PTPRD: variants seen among roughly 807,000 people sequenced by gnomAD.
PTPRD encodes protein tyrosine phosphatase receptor type D, also known as receptor-type tyrosine-protein phosphatase delta.
Under a neutral mutation model 214.5 loss-of-function variants are expected in PTPRD, and 34 were observed. That is an observed-to-expected ratio of 0.16 (90% CI 0.12 to 0.21). The LOEUF (loss-of-function observed/expected upper bound fraction) is 0.21, where lower values mean the gene tolerates loss of function less well. PTPRD is among the 10% of genes least tolerant of loss of function. The probability of loss-of-function intolerance (pLI) is 1.00; values close to 1 mark genes in which losing one functional copy is unlikely to be tolerated. For missense variants in PTPRD, 2,545 were observed against 2,398.7 expected (o/e 1.06, Z -1.27); for synonymous variants, 1,128 against 845.7 (o/e 1.33, Z -5.79).
intron 2 of PTPRD, among the ~76,000 whole-genome samples, chr9:10,609,488 T>G (rs2080369803): frequency 6.6e-6 from 1 of 152,106 alleles, no homozygotes; most frequent in Non-Finnish European, 1.5e-5. Context: ...ATAATTGTCA[T>G]GTGCACTATT....
chr9:9,583,026 T>G (rs2091171499), intron 7 of PTPRD, among the ~76,000 whole-genome samples: 1 of 152,088 alleles, frequency 6.6e-6, no homozygotes. Flanking sequence ...ACAGAAAATG[T>G]TGCCAATAAA....
chr9:10,222,928 G>A (rs192446223), intron 3 of PTPRD, among the ~76,000 whole-genome samples: 42 of 152,152 alleles, frequency 2.8e-4, no homozygotes, highest in African/African-American at 7.9e-4. Flanking sequence ...TTTGTGTTTG[G>A]TGGAGGGCAG....
chr9:8,990,599 T>C (rs1366464596), intron 11 of PTPRD, among the ~76,000 whole-genome samples: 1 of 152,008 alleles, frequency 6.6e-6, no homozygotes, highest in Non-Finnish European at 1.5e-5. Context: ...CTCAGGTGAG[T>C]CATAGAAACT....
chr9:9,175,945 T>TC (rs2099924569), intron 10 of PTPRD, among the ~76,000 whole-genome samples: 1 of 152,182 alleles, frequency 6.6e-6, no homozygotes, highest in African/African-American at 2.4e-5. Context: ...GCACAAAGTC[T>TC]TTTATATATC....
intron 3 of PTPRD, among the ~76,000 whole-genome samples, chr9:10,155,080 A>G (rs941974037): frequency 1.2e-4 from 18 of 152,106 alleles, no homozygotes; most frequent in African/African-American, 4.1e-4. Context: ...ATCCATGAGC[A>G]TAGAATGTTT....
At chr9:9,034,418 T>C (rs2154378982) in intron 10 of PTPRD, among the ~76,000 whole-genome samples, 1 of 152,324 alleles carries the variant, frequency 6.6e-6, no homozygotes, top group African/African-American at 2.4e-5. Flanking sequence ...ATGCCTAACC[T>C]GGGTTTAAAA....
chr9:8,740,323 T>C (rs1247709414), intron 11 of PTPRD, among the ~76,000 whole-genome samples: 1 of 152,208 alleles, frequency 6.6e-6, no homozygotes. Flanking sequence ...TTCTCACTAC[T>C]TCTGGCAGCA....
At chr9:8,396,381 C>A (rs2091173668) in intron 36 of PTPRD, among the ~76,000 whole-genome samples, 1 of 152,102 alleles carries the variant, frequency 6.6e-6, no homozygotes, top group Non-Finnish European at 1.5e-5. Flanking sequence ...AAAAATAATT[C>A]TTTTACAATT....
At chr9:9,480,387 T>G (rs1490007911) in intron 8 of PTPRD, among the ~76,000 whole-genome samples, 1 of 152,196 alleles carries the variant, frequency 6.6e-6, no homozygotes, top group Non-Finnish European at 1.5e-5. Context: ...AAAGCATATT[T>G]GAAATATAAG....
At chr9:8,918,575 G>C (rs1445642705) in intron 11 of PTPRD, among the ~76,000 whole-genome samples, 1 of 152,162 alleles carries the variant, frequency 6.6e-6, no homozygotes, top group African/African-American at 2.4e-5. Flanking sequence ...ATGTGCGTGT[G>C]TGTGTATGTG....
intron 5 of PTPRD, among the ~76,000 whole-genome samples, chr9:9,878,332 T>C (rs1254429125): frequency 1.3e-5 from 2 of 152,162 alleles, no homozygotes; most frequent in African/African-American, 2.4e-5. Flanking sequence ...GCTTACATTG[T>C]AGTGGAAGTG....
intron 2 of PTPRD, among the ~76,000 whole-genome samples, chr9:10,482,560 C>G (rs965352666): frequency 6.6e-6 from 1 of 151,812 alleles, no homozygotes; most frequent in Non-Finnish European, 1.5e-5. Flanking sequence ...TTTAATAAAT[C>G]TCTTTGGAGA....
At chr9:8,410,915 A>C (rs1410653504) in intron 35 of PTPRD, among the ~76,000 whole-genome samples, 1 of 152,184 alleles carries the variant, frequency 6.6e-6, no homozygotes, top group Non-Finnish European at 1.5e-5. Flanking sequence ...ATGGCAAGTG[A>C]GTAAATATCT....
At chr9:9,421,405 C>G (rs188731022) in intron 8 of PTPRD, among the ~76,000 whole-genome samples, 20 of 152,068 alleles carry the variant, frequency 1.3e-4, no homozygotes, top group Middle Eastern at 3.4e-3. Context: ...TTAGGAATCA[C>G]GAGAAAGACT....
intron 9 of PTPRD, among the ~76,000 whole-genome samples, chr9:9,211,756 A>G (rs13298827): frequency 0.028 from 4,322 of 152,152 alleles, 130 homozygotes; most frequent in African/African-American, 0.077. Context: ...TGTGCTTTGC[A>G]CATATTATGT....
chr9:10,125,975 T>C (rs2098816334), intron 3 of PTPRD, among the ~76,000 whole-genome samples: 2 of 152,146 alleles, frequency 1.3e-5, no homozygotes, highest in South Asian at 4.1e-4. Context: ...CACAATAAGA[T>C]GGTAAAATAG....
chr9:9,072,725 A>G (rs1200668128), intron 10 of PTPRD, among the ~76,000 whole-genome samples: 1 of 152,188 alleles, frequency 6.6e-6, no homozygotes, highest in Admixed American at 6.5e-5. Flanking sequence ...AATCTTACGT[A>G]GCAGGGACTT....
intron 8 of PTPRD, among the ~76,000 whole-genome samples, chr9:9,423,839 G>C (rs988609010): frequency 4.6e-5 from 7 of 152,150 alleles, no homozygotes; most frequent in African/African-American, 1.2e-4. Flanking sequence ...TTGATATACA[G>C]AGAAGAAAAG....
At chr9:8,784,761 C>A (rs2095869218) in intron 11 of PTPRD, among the ~76,000 whole-genome samples, 1 of 152,202 alleles carries the variant, frequency 6.6e-6, no homozygotes, top group Non-Finnish European at 1.5e-5. Context: ...CCCCCTGTAT[C>A]TTAAACTCTC....
Sources: gnomAD v4.1 joint callset for allele counts (sites outside exome capture counted in the v4.1 genomes callset) on GRCh38, gnomAD v4.1.1 for gene constraint, MANE v1.5 for transcripts, NCBI Gene and HGNC (gene_info 2026-07-23, HGNC 2026-07-21) for gene names.